Variants in LRRC1 observed in about 807,000 individuals in gnomAD.
The protein encoded by LRRC1 is leucine-rich repeat-containing protein 1.
LRRC1 carries 28 observed loss-of-function variants against 69.9 expected under a neutral mutation model. The observed-to-expected ratio is 0.40, with a 90% CI of 0.30 to 0.55. The LOEUF is 0.55. LRRC1 is among the 20% of genes least tolerant of loss of function. The pLI is 0.47. For missense variants in LRRC1, 498 were observed against 609.0 expected, an observed-to-expected ratio of 0.82 and a Z score of 1.92; for synonymous variants, 236 against 240.2, an observed-to-expected ratio of 0.98 and a Z score of 0.16.
rs915517623 is a variant in LRRC1, at chr6:53,919,763, G to A, written c.1279+93G>A. 4 of 1,197,232 alleles carry A rather than the reference G, an allele frequency of 3.3e-6. No individual in the cohort carries two copies. In the Admixed American group the frequency reaches 8.6e-5, roughly 26 times the overall value. The allele number at this position is 1,197,232 out of a possible 1,614,324, so 74.2% of individuals were successfully genotyped here. On this transcript the variant is annotated intron_variant, in intron 12 of 13. Coordinates refer to ENST00000370888, the MANE Select transcript of LRRC1 (RefSeq NM_018214.5). ...AGGCCTCTTACTCCCTCATGTGATT[G>A]TGTTATATCCAGTCTGCACCTAGAG... is the stretch of plus-strand genomic sequence containing the variant.
Position 53,922,669 on chromosome 6 carries a change from G to A in LRRC1, c.1451G>A (p.Gly484Glu). The A allele has an allele frequency of 6.2e-7, 1 of 1,613,958 alleles. No individual in the cohort carries two copies. The highest frequency in any genetic ancestry group is 8.5e-7 in the Non-Finnish European group (1 of 1,179,910). The change falls in exon 14 of 14, where the codon GGG becomes GAG. Residue 484 changes from glycine (G) to glutamate (E), a missense_variant. Physicochemically the swap from Gly to Glu is moderately conservative, Grantham distance 98. Around this residue, in one of 3 missense-constraint regions of LRRC1, gnomAD observed 162 missense variants for 162.9 expected, o/e 0.99. Coordinates refer to ENST00000370888, the MANE Select transcript of LRRC1 (RefSeq NM_018214.5). ...TLLRRATPHP[G>E]ELKHMKKTVE... ...CTAAGGCGAGCCACTCCACACCCAG[G>A]GGAGTTAAAGCACATGAAAAAGACA...
At chr6:53,857,252 T>C (rs1156710897) in intron 2 of LRRC1, among the ~76,000 whole-genome samples, 1 of 152,102 alleles carries the variant, frequency 6.6e-6, no homozygotes, top group Admixed American at 6.5e-5. Flanking sequence ...GCTTGCAGAA[T>C]ATCCCTGCTC....
At chr6:53,804,986 C>A (rs1225932412) in intron 1 of LRRC1, among the ~76,000 whole-genome samples, 3 of 151,980 alleles carry the variant, frequency 2.0e-5, no homozygotes, top group Admixed American at 2.0e-4. Flanking sequence ...GTCCTGTGAT[C>A]CTTGTGAGAT....
intron 8 of LRRC1, among the ~76,000 whole-genome samples, chr6:53,900,272 C>T (rs982875457): frequency 1.5e-4 from 23 of 152,124 alleles, no homozygotes; most frequent in African/African-American, 4.1e-4. Context: ...CTCCTGACCT[C>T]GTGATCCGCC....
At chr6:53,877,527 A>G (rs1372911946) in intron 2 of LRRC1, among the ~76,000 whole-genome samples, 1 of 152,106 alleles carries the variant, frequency 6.6e-6, no homozygotes, top group Non-Finnish European at 1.5e-5. Flanking sequence ...TATAAACTGA[A>G]TGCCTTTAAC....
chr6:53,919,502 C>A lies in LRRC1; in HGVS notation c.1111C>A (p.Leu371Met). ...TAAAAAAAAAAAAAAAAACAGGTTG[C>A]TGCATCTACCTTTATCCCTGACTGC... is the stretch of plus-strand genomic sequence containing the variant. ...HVLDVAGNRL[L>M]HLPLSLTALK... The change falls in exon 12 of 14, where the codon CTG (leucine) becomes ATG (methionine). Residue 371 changes from leucine (L) to methionine (M), a missense_variant. Leu to Met is a conservative substitution (Grantham distance 15). Around this residue, in one of 3 missense-constraint regions of LRRC1, gnomAD observed 266 missense variants for 383.9 expected, o/e 0.69. Coordinates refer to ENST00000370888, the MANE Select transcript of LRRC1 (RefSeq NM_018214.5). 6.6e-7 allele frequency: 1 copy of A among 1,512,032 alleles called. No homozygotes were observed. Among genetic ancestry groups the A allele is most frequent in the Non-Finnish European group, 8.8e-7 (1 of 1,132,674 alleles). The allele number at this position is 1,512,032 out of a possible 1,614,324, so 93.7% of individuals were successfully genotyped here.
chr6:53,813,068 A>C (rs1175908714), intron 1 of LRRC1, among the ~76,000 whole-genome samples: 1 of 152,050 alleles, frequency 6.6e-6, no homozygotes, highest in African/African-American at 2.4e-5. Flanking sequence ...TGCCGATGAA[A>C]AGGTACTTGG....
intron 1 of LRRC1, among the ~76,000 whole-genome samples, chr6:53,795,652 G>A (rs1432825130): frequency 6.6e-6 from 1 of 152,236 alleles, no homozygotes; most frequent in Non-Finnish European, 1.5e-5. Context: ...TGGGGCTCGT[G>A]CTATTGGAGA....
chr6:53,815,810 C>G (rs1764934908), intron 1 of LRRC1, among the ~76,000 whole-genome samples: 1 of 152,160 alleles, frequency 6.6e-6, no homozygotes, highest in Admixed American at 6.5e-5. Flanking sequence ...TCTTGATCTT[C>G]CTGGAAGATA....
Position 53,920,692 on chromosome 6 carries a change from G to C in LRRC1, c.1347G>C (p.Glu449Asp), listed in dbSNP as rs747770606. The C allele has an allele frequency of 1.9e-6, 3 of 1,614,052 alleles. No homozygotes were observed. Among genetic ancestry groups the C allele is most frequent in the Admixed American group, 1.7e-5 (1 of 60,016 alleles). The change falls in exon 13 of 14, where the codon GAG (glutamate) becomes GAC (aspartate). Residue 449 changes from glutamate to aspartate, a missense_variant. By Grantham distance (45) the Glu-to-Asp change is conservative. This residue lies in a region of LRRC1 where 162 missense variants were observed against 162.9 expected (regional missense o/e 0.99). Coordinates refer to ENST00000370888, the MANE Select transcript of LRRC1 (RefSeq NM_018214.5). ...ATGTCTCTGATGAAGCCTGGAACGA[G>C]CGTGCTGTCAACAGAGTCAGTGCGA... ...VNDVSDEAWN[E>D]RAVNRVSAIR...
chr6:53,811,719 G>A (rs1208354380), intron 1 of LRRC1, among the ~76,000 whole-genome samples: 1 of 152,222 alleles, frequency 6.6e-6, no homozygotes, highest in Non-Finnish European at 1.5e-5. Context: ...CTTTACAGAT[G>A]GGAAAACTAA....
chr6:53,834,981 A>C (rs1173649397), intron 1 of LRRC1, among the ~76,000 whole-genome samples: 1 of 152,156 alleles, frequency 6.6e-6, no homozygotes, highest in Non-Finnish European at 1.5e-5. Flanking sequence ...TAATAATAAA[A>C]ATAAATAAAT....
At chr6:53,848,271 T>G (rs1264761912) in intron 2 of LRRC1, among the ~76,000 whole-genome samples, 2 of 152,238 alleles carry the variant, frequency 1.3e-5, no homozygotes, top group African/African-American at 4.8e-5. Flanking sequence ...AACCTTTACC[T>G]TCTCTTTTGT....
At chr6:53,853,519 A>G (rs2080525130) in intron 2 of LRRC1, among the ~76,000 whole-genome samples, 1 of 152,098 alleles carries the variant, frequency 6.6e-6, no homozygotes, top group African/African-American at 2.4e-5. Flanking sequence ...TCCTGACCTC[A>G]GGTTATCCAC....
chr6:53,842,556 C>A (rs1010949739), intron 2 of LRRC1, among the ~76,000 whole-genome samples: 1 of 152,188 alleles, frequency 6.6e-6, no homozygotes, highest in Admixed American at 6.5e-5. Context: ...CAAATAAGTT[C>A]AATCTGATTC....
chr6:53,898,488 G>A (rs1420531202), intron 7 of LRRC1, among the ~76,000 whole-genome samples: 1 of 152,152 alleles, frequency 6.6e-6, no homozygotes, highest in African/African-American at 2.4e-5. Context: ...GTAAATGACT[G>A]TGCAAAGTGT....
At chr6:53,844,821 G>C (rs1427093207) in intron 2 of LRRC1, among the ~76,000 whole-genome samples, 1 of 152,198 alleles carries the variant, frequency 6.6e-6, no homozygotes, top group East Asian at 1.9e-4. Flanking sequence ...CCTGGCTCTG[G>C]CTCAGTAGCA....
At chr6:53,818,580 A>C (rs935148668) in intron 1 of LRRC1, among the ~76,000 whole-genome samples, 2 of 152,230 alleles carry the variant, frequency 1.3e-5, no homozygotes, top group African/African-American at 4.8e-5. Context: ...AAGGCAGATA[A>C]GATTGTATGA....
intron 2 of LRRC1, among the ~76,000 whole-genome samples, chr6:53,849,079 T>C (rs1308864537): frequency 6.9e-6 from 1 of 144,754 alleles, no homozygotes; most frequent in Non-Finnish European, 1.5e-5. Context: ...TTTTTTTTTT[T>C]TAGTTAGCAG....
Sources: gnomAD v4.1 joint callset for allele counts (sites outside exome capture counted in the v4.1 genomes callset) on GRCh38, gnomAD v4.1.1 for gene constraint, gnomAD v4.1.1 regional missense constraint, MANE v1.5 for transcripts, NCBI Gene and HGNC (gene_info 2026-07-23, HGNC 2026-07-21) for gene names.